Variants in FN1 observed in about 807,000 individuals in gnomAD.
The protein encoded by FN1 is fibronectin 1, also known as fibronectin.
In FN1, 106 loss-of-function variants were observed where a neutral mutation model predicts 297.3. That is an observed-to-expected ratio of 0.36 (90% confidence interval 0.30 to 0.42). FN1 has a LOEUF of 0.42. FN1 is among the 10% of genes least tolerant of loss of function. The pLI is 1.00. For missense variants in FN1, 2,690 were observed against 3,124.9 expected (o/e 0.86, Z 3.32); for synonymous variants, 1,149 against 1,152.6 (o/e 1.00, Z 0.06).
chr2:215,435,977 G>A lies in FN1; in HGVS notation c.-175C>T. 4 of 1,365,056 alleles carry A rather than the reference G, an allele frequency of 2.9e-6. No homozygotes were observed. Among genetic ancestry groups the A allele is most frequent in the Non-Finnish European group, 3.9e-6 (4 of 1,037,296 alleles). The allele number at this position is 1,365,056 out of a possible 1,614,324, so 84.6% of individuals were successfully genotyped here. On this transcript the variant is annotated 5_prime_UTR_variant, in exon 1 of 46. Coordinates refer to ENST00000354785, the MANE Select transcript of FN1 (RefSeq NM_212482.4). ...CGGGTGGAGGGACAGAAGGGATGCA[G>A]AGGACCAGAGAAGTTGTGGCTGCAG... is the stretch of plus-strand genomic sequence containing the variant.
At chr2:215,421,177 A>G (rs1308181007) in intron 10 of FN1, 1 of 319,416 alleles carries the variant, frequency 3.1e-6, no homozygotes, top group Non-Finnish European at 6.1e-6. Flanking sequence ...AAATAAGAAG[A>G]AGATTAAACA....
intron 11 of FN1, 69 bp downstream of exon 11, chr2:215,420,604 C>T: frequency 1.3e-6 from 2 of 1,589,536 alleles, no homozygotes; most frequent in Non-Finnish European, 8.6e-7. Flanking sequence ...TTTCACATAG[C>T]TTTTCTTATC....
rs372339259 is a variant in FN1, at chr2:215,419,394, C to T, written c.1676-9G>A. 79 of 1,610,754 alleles carry T rather than the reference C, an allele frequency of 4.9e-5. 1 individual carries two copies. In the African/African-American group the frequency reaches 8.5e-4, roughly 17 times the overall value. ...TGAATCCTGGCATTGGTCTAAAATACATGGAAGGAAAAGATAAACAGCCTT... is the reference window on the plus strand; with the variant it reads ...TGAATCCTGGCATTGGTCTAAAATATATGGAAGGAAAAGATAAACAGCCTT... On this transcript the variant is annotated splice_polypyrimidine_tract_variant and intron_variant, in intron 11 of 45. Coordinates refer to ENST00000354785, the MANE Select transcript of FN1 (RefSeq NM_212482.4).
chr2:215,423,339 C>G lies in FN1; in HGVS notation c.1393+11G>C. On this transcript the variant is annotated intron_variant, in intron 9 of 45. Coordinates refer to ENST00000354785, the MANE Select transcript of FN1 (RefSeq NM_212482.4). ...TGTCAAACAAGACAACCCACAAGGG[C>G]TTCATCTTACCAGCCATGGGGCAGA... 6.2e-7 allele frequency: 1 copy of G among 1,613,582 alleles called. No individual in the cohort carries two copies. Among genetic ancestry groups the G allele is most frequent in the Non-Finnish European group, 8.5e-7 (1 of 1,179,902 alleles).
intron 20 of FN1, 76 bp from the exon 21 acceptor site, chr2:215,399,427 T>G: frequency 1.0e-6 from 1 of 1,001,852 alleles, no homozygotes; most frequent in Non-Finnish European, 1.6e-6. Flanking sequence ...TAACAAGTAT[T>G]TTTATGGAGA....
rs116558455 is a variant in FN1, at chr2:215,386,857, G to A, written c.4444C>T (p.Arg1482Cys). The change falls in exon 28 of 46, where the codon CGC becomes TGC. Residue 1482 changes from arginine to cysteine, a missense_variant. Arg to Cys is a radical substitution (Grantham distance 180). This residue lies in a region of FN1 where 1,743 missense variants were observed against 1,945.2 expected (regional missense o/e 0.90). Transcript: ENST00000354785. Reference sequence around the variant, plus strand: ...CCACTGAAGTGCTCGGGATGATGGCGGATCCTGTAGCCAGTGATGGTGGCT... The same window carrying A: ...CCACTGAAGTGCTCGGGATGATGGCAGATCCTGTAGCCAGTGATGGTGGCT... ...PRATITGYRI[R>C]HHPEHFSGRP... 539 of 1,613,952 alleles carry A rather than the reference G, an allele frequency of 3.3e-4. No homozygotes were observed. The African/African-American group carries it at 4.3e-3, about 13-fold the overall frequency.
intron 27 of FN1, 86 bp from the exon 28 acceptor site, chr2:215,387,044 A>C: frequency 8.2e-7 from 1 of 1,225,878 alleles, no homozygotes; most frequent in South Asian, 1.4e-5. Context: ...AGGGGAAATT[A>C]ACGTACATCC....
intron 10 of FN1, among the ~76,000 whole-genome samples, 159 bp downstream of exon 10, chr2:215,421,932 C>G (rs564376609): frequency 2.6e-5 from 4 of 152,276 alleles, no homozygotes; most frequent in South Asian, 2.1e-4. Flanking sequence ...GCCTGCTAAG[C>G]CTTTCAGGCT....
At chr2:215,383,016 T>TTC (rs2058422644) in intron 31 of FN1, among the ~76,000 whole-genome samples, 1 of 151,678 alleles carries the variant, frequency 6.6e-6, no homozygotes, top group African/African-American at 2.4e-5. Context: ...TTTTTTTTTT[T>TTC]CCCTGAGATG....
At position 215,392,970 on chromosome 2, in the gene FN1, C is replaced by T; in HGVS notation, c.4030G>A (p.Gly1344Ser). ...AGTGTAGTAGGGGCACTCTCGCCGCCATTAATGAGAGTGATAACGCTGATA... is the reference window on the plus strand; with the variant it reads ...AGTGTAGTAGGGGCACTCTCGCCGCTATTAATGAGAGTGATAACGCTGATA... ...YDISVITLIN[G>S]GESAPTTLTQ... Residue 1344 changes from glycine to serine, a missense_variant, in exon 25 of 46, where the codon GGC (glycine) becomes AGC (serine). Coordinates refer to ENST00000354785, the MANE Select transcript of FN1 (RefSeq NM_212482.4). The T allele has an allele frequency of 6.2e-7, 1 of 1,613,332 alleles. No individual in the cohort carries two copies. The highest frequency in any genetic ancestry group is 8.5e-7 in the Non-Finnish European group (1 of 1,179,996).
chr2:215,361,899 T>A, intron 45 of FN1, 70 bp downstream of exon 45: 1 of 1,587,564 alleles, frequency 6.3e-7, no homozygotes, highest in Admixed American at 1.7e-5. Flanking sequence ...TGGTTCATTC[T>A]GAAGAAAGAT....
In FN1 at chr2:215,409,968, G is replaced by A; in HGVS notation, c.2088C>T (p.Asp696=). 3 of 1,613,950 alleles carry A rather than the reference G, an allele frequency of 1.9e-6. No individual in the cohort carries two copies. The highest frequency in any genetic ancestry group is 2.5e-6 in the Non-Finnish European group (3 of 1,180,002). The change falls in exon 14 of 46, where the codon GAC becomes GAT. Residue 696 remains aspartate (D), a synonymous_variant. Coordinates refer to ENST00000354785, the MANE Select transcript of FN1 (RefSeq NM_212482.4). ...QYGHQEVTRF[D]FTTTSTSTPV... Reference sequence around the variant, plus strand: ...GTGTGCTGGTGCTGGTGGTGGTGAAGTCAAAGCGAGTCACTTCTTGGTGGC... The same window carrying A: ...GTGTGCTGGTGCTGGTGGTGGTGAAATCAAAGCGAGTCACTTCTTGGTGGC...
intron 9 of FN1, among the ~76,000 whole-genome samples, chr2:215,423,112 T>A (rs2064716758): frequency 6.6e-6 from 1 of 152,080 alleles, no homozygotes; most frequent in Non-Finnish European, 1.5e-5. Context: ...ATCATGTCAA[T>A]GAGGTTTAAA....
chr2:215,399,271 T>G lies in FN1; in HGVS notation c.3334A>C (p.Arg1112=). 1 of 1,613,208 alleles carries G rather than the reference T, an allele frequency of 6.2e-7. No individual in the cohort carries two copies. The highest frequency in any genetic ancestry group is 8.5e-7 in the Non-Finnish European group (1 of 1,179,186). ...CTGCAGTTTACCTTAAAACCAATTC[T>G]TGGAGCAGGCGTCCATGTGATCACA... is the stretch of plus-strand genomic sequence containing the variant. The part of the protein sequence containing the change: ...TIVITWTPAP[R]IGFKLGVRPS... Residue 1112 remains arginine (R), a synonymous_variant, in exon 21 of 46, where the codon AGA becomes CGA. Transcript: ENST00000354785.
At position 215,406,257 on chromosome 2, in the gene FN1, C is replaced by A. The variant is rs372040503; in HGVS notation, c.2967G>T (p.Leu989=). 2 of 1,614,032 alleles carry A rather than the reference C, an allele frequency of 1.2e-6. No individual in the cohort carries two copies. The highest frequency in any genetic ancestry group is 3.3e-5 in the Admixed American group (2 of 60,004). Residue 989 remains leucine (L), a synonymous_variant, in exon 19 of 46, where the codon CTG becomes CTT. Transcript: ENST00000354785. Reference sequence around the variant, plus strand: ...ACATACTGGTTGTCTGTTGAGCAGTCAGAGGCTTGCTCTCCCTCCCATGGC... The same window carrying A: ...ACATACTGGTTGTCTGTTGAGCAGTAAGAGGCTTGCTCTCCCTCCCATGGC... ...AVSHGRESKP[L]TAQQTTKLDA...
At chr2:215,381,322 C>A (rs2058176224) in intron 32 of FN1, 4 of 556,378 alleles carry the variant, frequency 7.2e-6, no homozygotes, top group Non-Finnish European at 1.3e-5. Context: ...TGCAAAATGT[C>A]CCCACAATGG....
intron 20 of FN1, among the ~76,000 whole-genome samples, chr2:215,401,247 A>AAAGAAAGG (rs1559475709): frequency 2.5e-5 from 2 of 80,134 alleles, no homozygotes; most frequent in African/African-American, 5.2e-5. Context: ...AGAAAGAAAG[A>AAAGAAAGG]AAGGAAGAAA....
Position 215,376,611 on chromosome 2 carries a change from C to T in FN1, c.5774G>A (p.Trp1925Ter). Residue 1925 changes from tryptophan to a stop codon, truncating the protein, a stop_gained, in exon 36 of 46, where the codon TGG becomes TAG. Transcript: ENST00000354785. LOFTEE classifies it high-confidence loss of function. Reference sequence around the variant, plus strand: ...AGTGATCGTCTCAGTCTTGGTTCTCCAGCTAATGGTGATGGTGGTCTCAGT... The same window carrying T: ...AGTGATCGTCTCAGTCTTGGTTCTCTAGCTAATGGTGATGGTGGTCTCAGT... The part of the protein sequence containing the change: ...DATETTITIS[W>*]RTKTETITGF... 1.2e-6 allele frequency: 2 copies of T among 1,613,934 alleles called. No homozygotes were observed. Among genetic ancestry groups the T allele is most frequent in the Non-Finnish European group, 1.7e-6 (2 of 1,179,978 alleles).
At chr2:215,428,820 G>T (rs2065952679) in intron 5 of FN1, among the ~76,000 whole-genome samples, 1 of 152,056 alleles carries the variant, frequency 6.6e-6, no homozygotes, top group African/African-American at 2.4e-5. Flanking sequence ...GACCAGCCTG[G>T]GCAACATGGT....
Sources: gnomAD v4.1 joint callset for allele counts (sites outside exome capture counted in the v4.1 genomes callset) on GRCh38, gnomAD v4.1.1 for gene constraint, gnomAD v4.1.1 regional missense constraint, MANE v1.5 for transcripts, NCBI Gene and HGNC (gene_info 2026-07-23, HGNC 2026-07-21) for gene names.